B3GAT2: variants seen among roughly 807,000 people sequenced by gnomAD.
B3GAT2 encodes the protein beta-1,3-glucuronyltransferase 2, also known as galactosylgalactosylxylosylprotein 3-beta-glucuronosyltransferase 2.
Under a neutral mutation model 27.8 loss-of-function variants are expected in B3GAT2, and 26 were observed. The observed-to-expected ratio is 0.93, with a 90% CI of 0.68 to 1.30. B3GAT2 has a LOEUF of 1.30. B3GAT2 is among the 50% of genes most tolerant of loss of function. The pLI, the probability that B3GAT2 is intolerant of heterozygous loss-of-function variation, is 0.00. For synonymous variants in B3GAT2, 218 were observed against 195.1 expected (o/e 1.12, Z -0.98); for missense variants, 458 against 459.0 (o/e 1.00, Z 0.02).
intron 1 of B3GAT2, among the ~76,000 whole-genome samples, chr6:70,952,221 ATCT>A (rs1350046059): frequency 1.3e-5 from 2 of 152,200 alleles, no homozygotes; most frequent in East Asian, 1.9e-4. Context: ...TTCCAGAAAC[ATCT>A]TCTAGATGCA....
At chr6:70,865,722 T>A (rs1036659665) in intron 2 of B3GAT2, among the ~76,000 whole-genome samples, 1 of 152,220 alleles carries the variant, frequency 6.6e-6, no homozygotes, top group Non-Finnish European at 1.5e-5. Flanking sequence ...TCCAACAAGC[T>A]ATTTACATTT....
At chr6:70,885,012 C>T (rs1772161494) in intron 2 of B3GAT2, among the ~76,000 whole-genome samples, 4 of 152,170 alleles carry the variant, frequency 2.6e-5, no homozygotes, top group Non-Finnish European at 4.4e-5. Flanking sequence ...GCACCCCGGC[C>T]CCCACGTTAG....
chr6:70,905,418 T>C (rs1184783954), intron 1 of B3GAT2, among the ~76,000 whole-genome samples: 1 of 152,266 alleles, frequency 6.6e-6, no homozygotes, highest in Non-Finnish European at 1.5e-5. Flanking sequence ...CCAATGACTA[T>C]GTTAATCTTT....
rs1263324011 is a variant in B3GAT2 at position 70,861,831 on chromosome 6, T to C, written c.884A>G (p.Lys295Arg). 1 of 1,614,072 alleles carries C rather than the reference T, an allele frequency of 6.2e-7. No homozygotes were observed. Among genetic ancestry groups the C allele is most frequent in the Admixed American group, 1.7e-5 (1 of 60,006 alleles). Residue 295 changes from lysine to arginine, a missense_variant and splice_region_variant, in exon 3 of 4, where the codon AAG becomes AGG. Coordinates refer to ENST00000230053, the MANE Select transcript of B3GAT2 (RefSeq NM_080742.3). The stretch of plus-strand genomic sequence containing the variant: ...GGGCAGCACAAGTGTAATGAATACC[T>C]TAGTGCAGTTATTTGCTTTCGGTTC... ...ELEPKANNCTKVLVWHTRTEK... is the reference protein window; with the variant it reads ...ELEPKANNCTRVLVWHTRTEK...
rs751015500 is a variant in B3GAT2 at position 70,858,139 on chromosome 6, C to A, written c.*3524G>T. On this transcript the variant is annotated 3_prime_UTR_variant, in exon 4 of 4. Coordinates refer to ENST00000230053, the MANE Select transcript of B3GAT2 (RefSeq NM_080742.3). ...TGCCACTTCCTCAGAACGTTGTTGG[C>A]CCCCAAGGAGGAATGGTGGGACAAA... 3 of 1,613,932 alleles carry A rather than the reference C, an allele frequency of 1.9e-6. No individual in the cohort carries two copies. The highest frequency in any genetic ancestry group is 2.5e-6 in the Non-Finnish European group (3 of 1,179,976).
At chr6:70,945,371 T>G (rs1009144133) in intron 1 of B3GAT2, among the ~76,000 whole-genome samples, 1 of 152,068 alleles carries the variant, frequency 6.6e-6, no homozygotes, top group South Asian at 2.1e-4. Context: ...TACAGAGAAG[T>G]GCTTAAAGGA....
chr6:70,880,534 G>A (rs554022573), intron 2 of B3GAT2, among the ~76,000 whole-genome samples: 2 of 152,230 alleles, frequency 1.3e-5, no homozygotes, highest in South Asian at 2.1e-4. Context: ...GTCTCACTCT[G>A]TCACCCAGGC....
chr6:70,869,303 G>T (rs1195702266), intron 2 of B3GAT2, among the ~76,000 whole-genome samples: 1 of 152,022 alleles, frequency 6.6e-6, no homozygotes, highest in African/African-American at 2.4e-5. Flanking sequence ...GGTGCATGTC[G>T]CTCCATCTGG....
Position 70,858,045 on chromosome 6 carries a change from A to G in B3GAT2, c.*3618T>C. The G allele has an allele frequency of 6.2e-7, 1 of 1,614,160 alleles. No homozygotes were observed. The highest frequency in any genetic ancestry group is 8.5e-7 in the Non-Finnish European group (1 of 1,179,998). The stretch of plus-strand genomic sequence containing the variant: ...GGCCTTATAGGAAATGTGATGGGAC[A>G]GAGTCCAAGCATGATGGTGGGCATG... On this transcript the variant is annotated 3_prime_UTR_variant, in exon 4 of 4. Coordinates refer to ENST00000230053, the MANE Select transcript of B3GAT2 (RefSeq NM_080742.3).
intron 1 of B3GAT2, among the ~76,000 whole-genome samples, chr6:70,935,927 T>A (rs1292111512): frequency 1.3e-5 from 2 of 150,688 alleles, no homozygotes; most frequent in East Asian, 3.9e-4. Context: ...GTAAATGGAC[T>A]AAATGCTCCA....
chr6:70,956,965 TG>T lies in B3GAT2; in HGVS notation c.-537del. 1 of 1,005,676 alleles carries T rather than the reference TG, an allele frequency of 9.9e-7. No individual in the cohort carries two copies. Among genetic ancestry groups the T allele is most frequent in the Non-Finnish European group, 1.2e-6 (1 of 843,988 alleles). 62.3% of individuals were successfully genotyped at this position (1,005,676 alleles called of 1,614,324 possible). Reference sequence around the variant, plus strand: ...GGTGGCGAGGAGCGGGTGGAGACGCTGGGGGTTGTGTCCCGGCTGTGTTCGC... The same window carrying T: ...GGTGGCGAGGAGCGGGTGGAGACGCTGGGGTTGTGTCCCGGCTGTGTTCGC... On this transcript the variant is annotated 5_prime_UTR_variant, in exon 1 of 4. Transcript: ENST00000230053.
At chr6:70,883,873 T>C (rs1772136850) in intron 2 of B3GAT2, among the ~76,000 whole-genome samples, 3 of 152,168 alleles carry the variant, frequency 2.0e-5, no homozygotes, top group Non-Finnish European at 1.5e-5. Flanking sequence ...TCTTCTTGCT[T>C]GAGCAATGGA....
At position 70,858,123 on chromosome 6, in the gene B3GAT2, C is replaced by T; in HGVS notation, c.*3540G>A. Reference sequence around the variant, plus strand: ...GCACAAACTGGTGTGATGCCACTTCCTCAGAACGTTGTTGGCCCCCAAGGA... The same window carrying T: ...GCACAAACTGGTGTGATGCCACTTCTTCAGAACGTTGTTGGCCCCCAAGGA... On this transcript the variant is annotated 3_prime_UTR_variant, in exon 4 of 4. Coordinates refer to ENST00000230053, the MANE Select transcript of B3GAT2 (RefSeq NM_080742.3). The T allele has an allele frequency of 6.2e-7, 1 of 1,614,020 alleles. No individual in the cohort carries two copies. The highest frequency in any genetic ancestry group is 8.5e-7 in the Non-Finnish European group (1 of 1,179,986).
At chr6:70,902,359 AAG>A in intron 1 of B3GAT2, among the ~76,000 whole-genome samples, 1 of 152,126 alleles carries the variant, frequency 6.6e-6, no homozygotes, top group South Asian at 2.1e-4. Flanking sequence ...GATGTGGAGA[AAG>A]AGGGACCCTT....
Position 70,860,736 on chromosome 6 carries a change from T to C in B3GAT2, c.*927A>G, listed in dbSNP as rs1344448150. 2.5e-6 allele frequency: 1 copy of C among 401,312 alleles called. No homozygotes were observed. Among genetic ancestry groups the C allele is most frequent in the Non-Finnish European group, 4.4e-6 (1 of 227,406 alleles). The allele number at this position is 401,312 out of a possible 1,614,324, so 24.9% of individuals were successfully genotyped here. ...CCAGTAATCCTGTAGGAAGGTACTG[T>C]ATGATCAAATGTTTAATCATATAAA... On this transcript the variant is annotated 3_prime_UTR_variant, in exon 4 of 4. Transcript: ENST00000230053.
chr6:70,893,404 A>ATT (rs34873705), intron 2 of B3GAT2, among the ~76,000 whole-genome samples: 115 of 145,160 alleles, frequency 7.9e-4, no homozygotes, highest in Admixed American at 1.7e-3. Context: ...ATGTCACCGA[A>ATT]TTTTTTTTTT....
intron 2 of B3GAT2, among the ~76,000 whole-genome samples, chr6:70,864,034 C>T (rs1394237894): frequency 2.2e-4 from 32 of 148,696 alleles, no homozygotes; most frequent in Admixed American, 2.1e-3. Flanking sequence ...CTTGCTTTTT[C>T]CCACATGCTT....
intron 1 of B3GAT2, among the ~76,000 whole-genome samples, chr6:70,905,885 CTGTGTG>C (rs36123503): frequency 1.9e-4 from 28 of 150,692 alleles, no homozygotes; most frequent in African/African-American, 6.1e-4. Context: ...TCTCCTGGCA[CTGTGTG>C]TGTGTGTGTG....
Position 70,950,928 on chromosome 6 carries a change from TTAC to T in B3GAT2, c.591+4908_591+4910del, listed in dbSNP as rs137915094. On this transcript the variant is annotated intron_variant, in intron 1 of 3. Coordinates refer to ENST00000230053, the MANE Select transcript of B3GAT2 (RefSeq NM_080742.3). ...ATTTATTTAAAATTGTATGCAAAAATTACCAGGCATGAACAACAAATTATCTTA... is the reference window on the plus strand; with the variant it reads ...ATTTATTTAAAATTGTATGCAAAAATCAGGCATGAACAACAAATTATCTTA... 2.1e-4 allele frequency among the ~76,000 whole-genome samples: 32 copies of T among 152,284 alleles called. 1 individual carries two copies. The East Asian group carries it at 5.8e-3, about 27-fold the overall frequency.
Sources: allele counts gnomAD v4.1 joint callset (sites outside exome capture counted in the v4.1 genomes callset), GRCh38; gene constraint gnomAD v4.1.1; transcripts MANE v1.5; gene names NCBI Gene and HGNC (gene_info 2026-07-23, HGNC 2026-07-21).